SGSM2: variants seen among roughly 807,000 people sequenced by gnomAD.
SGSM2 encodes the protein small G protein signaling modulator 2.
A neutral mutation model predicts 126.6 loss-of-function variants in SGSM2; 89 were observed. The ratio of observed to expected loss-of-function variants is 0.70; its 90% CI spans 0.59 to 0.84. The LOEUF is 0.84. Among genes scored for constraint, SGSM2 ranks in the 40% least tolerant of loss-of-function variants. The pLI is 0.00. For missense variants in SGSM2, 1,404 were observed against 1,416.6 expected, an observed-to-expected ratio of 0.99 and a Z score of 0.14; for synonymous variants, 614 against 574.3, an observed-to-expected ratio of 1.07 and a Z score of -0.99.
At chr17:2,354,829 T>G (rs1370984892) in intron 2 of SGSM2, among the ~76,000 whole-genome samples, 15 of 151,242 alleles carry the variant, frequency 9.9e-5, no homozygotes, top group Non-Finnish European at 1.9e-4. Flanking sequence ...GTGAAATCAG[T>G]GTGTAAGGGT....
At position 2,377,025 on chromosome 17, in the gene SGSM2, G is replaced by A. The variant is rs1364494579; in HGVS notation, c.2759G>A (p.Gly920Asp). 1 of 1,613,724 alleles carries A rather than the reference G, an allele frequency of 6.2e-7. No individual in the cohort carries two copies. Among genetic ancestry groups the A allele is most frequent in the East Asian group, 2.2e-5 (1 of 44,900 alleles). ...ATGAGCCAGAACTTCCCCAACGGGGGTGCCATGGACACCCACTTTGCCAAC... is the reference window on the plus strand; with the variant it reads ...ATGAGCCAGAACTTCCCCAACGGGGATGCCATGGACACCCACTTTGCCAAC... The part of the protein sequence containing the change: ...KRMSQNFPNG[G>D]AMDTHFANMR... The change falls in exon 21 of 24, where the codon GGT (glycine) becomes GAT (aspartate). Residue 920 changes from glycine to aspartate, a missense_variant. Coordinates refer to ENST00000268989, the MANE Select transcript of SGSM2 (RefSeq NM_014853.3).
Position 2,371,428 on chromosome 17 carries a change from C to T in SGSM2, c.1577+13C>T, listed in dbSNP as rs370346984. ...GCATCCCCGACCGGTGAGTGGGCAG[C>T]GCTCGGCCCCAGCTTCCCGTTAGCG... On this transcript the variant is annotated intron_variant, in intron 13 of 23. Transcript: ENST00000268989. 8.9e-6 allele frequency: 14 copies of T among 1,577,536 alleles called. No homozygotes were observed. Among genetic ancestry groups the T allele is most frequent in the Non-Finnish European group, 1.0e-5 (12 of 1,161,032 alleles).
At chr17:2,342,705 C>T (rs781025524) in intron 1 of SGSM2, among the ~76,000 whole-genome samples, 1 of 151,418 alleles carries the variant, frequency 6.6e-6, no homozygotes, top group Non-Finnish European at 1.5e-5. Context: ...TGACTGAGCA[C>T]AGTGGCTCAC....
chr17:2,359,702 C>T (rs1268041629), intron 2 of SGSM2, among the ~76,000 whole-genome samples: 1 of 152,160 alleles, frequency 6.6e-6, no homozygotes, highest in African/African-American at 2.4e-5. Context: ...CCCCAGTCCC[C>T]ACGGCCTGGC....
rs919608547 is a variant in SGSM2 at position 2,380,325 on chromosome 17, C to T, written c.*805C>T. ...TTTTGCCAGTGGATGATCTGGAATG[C>T]GACCGGAGCACTTGCTCTGAGGAAT... On this transcript the variant is annotated 3_prime_UTR_variant, in exon 24 of 24. Coordinates refer to ENST00000268989, the MANE Select transcript of SGSM2 (RefSeq NM_014853.3). The T allele has an allele frequency of 2.6e-6, 4 of 1,534,204 alleles. No homozygotes were observed. Among genetic ancestry groups the T allele is most frequent in the East Asian group, 2.4e-5 (1 of 40,922 alleles).
chr17:2,358,463 G>A lies in SGSM2; in HGVS notation c.134-3174G>A, dbSNP rs923127406. 3.9e-5 allele frequency among the ~76,000 whole-genome samples: 6 copies of A among 152,280 alleles called. No homozygotes were observed. The East Asian group carries it at 7.7e-4, about 20-fold the overall frequency. On this transcript the variant is annotated intron_variant, in intron 2 of 23. Transcript: ENST00000268989. ...AGTGGCTCAAGCCTGTAATGCCGGC[G>A]CTTTGGAAGGCTGAGGTGGAAGGAT... is the stretch of plus-strand genomic sequence containing the variant.
In SGSM2 at chr17:2,379,935, G is replaced by T; in HGVS notation, c.*415G>T. ...GGCAGAGGGCGAGAGGCTCTGTGCT[G>T]TGTCCCTTCTGAGGGTCCCTTTGCA... On this transcript the variant is annotated 3_prime_UTR_variant, in exon 24 of 24. Transcript: ENST00000268989. 1 of 1,326,502 alleles carries T rather than the reference G, an allele frequency of 7.5e-7. No homozygotes were observed. The highest frequency in any genetic ancestry group is 9.7e-7 in the Non-Finnish European group (1 of 1,036,088). The allele number at this position is 1,326,502 out of a possible 1,614,324, so 82.2% of individuals were successfully genotyped here. A position where few individuals can be genotyped will look rare whatever the true frequency, so the allele number is the denominator to read the frequency against.
At position 2,371,329 on chromosome 17, in the gene SGSM2, G is replaced by A. The variant is rs199943746; in HGVS notation, c.1491G>A (p.Leu497=). ...TGCCAGCCTGGCACCTGGAGCCCCT[G>A]TGCAGTCAGGGCTCCTCCTGCCTCT... ...PSLPAWHLEP[L]CSQGSSCLSC... The change falls in exon 13 of 24, where the codon CTG becomes CTA. Residue 497 remains leucine (L), a synonymous_variant. Transcript: ENST00000268989. 4 of 1,612,464 alleles carry A rather than the reference G, an allele frequency of 2.5e-6. No homozygotes were observed. The Admixed American group carries it at 6.7e-5, about 27-fold the overall frequency.
At chr17:2,360,490 T>G (rs999730728) in intron 2 of SGSM2, among the ~76,000 whole-genome samples, 4 of 152,354 alleles carry the variant, frequency 2.6e-5, no homozygotes, top group African/African-American at 7.2e-5. Context: ...TCTTAGAGGC[T>G]AGCTGTAGAA....
rs1348398690 is a variant in SGSM2, at chr17:2,364,846, T to C, written c.1001-51T>C. On this transcript the variant is annotated intron_variant, in intron 9 of 23. Coordinates refer to ENST00000268989, the MANE Select transcript of SGSM2 (RefSeq NM_014853.3). ...AGCCTGGGGGCACTGGCCAGCAGGG[T>C]GTGATAGCCGACGAGAGGGCCTCAG... The C allele has an allele frequency of 2.5e-6, 4 of 1,593,844 alleles. No individual in the cohort carries two copies. In the East Asian group the frequency reaches 9.0e-5, roughly 36 times the overall value.
At chr17:2,375,975 G>C in intron 18 of SGSM2, 100 bp downstream of exon 18, 1 of 1,505,412 alleles carries the variant, frequency 6.6e-7, no homozygotes, top group South Asian at 1.3e-5. Flanking sequence ...GGGGCGCCCT[G>C]ACTGCCCTGG....
At position 2,361,733 on chromosome 17, in the gene SGSM2, A is replaced by G; in HGVS notation, c.230A>G (p.Lys77Arg). ...KMAALFTKVG[K>R]TCPVAGEICH... Reference sequence around the variant, plus strand: ...GCAGCCCTGTTCACCAAGGTGGGGAAGACGTGCCCAGTGGCGGGGGAGATT... The same window carrying G: ...GCAGCCCTGTTCACCAAGGTGGGGAGGACGTGCCCAGTGGCGGGGGAGATT... Residue 77 changes from lysine to arginine, a missense_variant, in exon 3 of 24, where the codon AAG becomes AGG. Transcript: ENST00000268989. The G allele has an allele frequency of 6.2e-7, 1 of 1,613,900 alleles. No individual in the cohort carries two copies. The highest frequency in any genetic ancestry group is 1.1e-5 in the South Asian group (1 of 91,088).
Position 2,363,691 on chromosome 17 carries a change from C to T in SGSM2, c.807+92C>T. The T allele has an allele frequency of 2.0e-6, 3 of 1,526,658 alleles. No individual in the cohort carries two copies. Among genetic ancestry groups the T allele is most frequent in the South Asian group, 2.5e-5 (2 of 81,240 alleles). The allele number at this position is 1,526,658 out of a possible 1,614,324, so 94.6% of individuals were successfully genotyped here. On this transcript the variant is annotated intron_variant, in intron 7 of 23. Transcript: ENST00000268989. This position sits in a 1 kb window ranked among gnomAD's most constrained non-coding sequence, Gnocchi z 4.2. Reference sequence around the variant, plus strand: ...CCATGGCTATTCCTTTCCTGAGGAGCTTGACCAGAGACGGGGGGGAGAATG... The same window carrying T: ...CCATGGCTATTCCTTTCCTGAGGAGTTTGACCAGAGACGGGGGGGAGAATG...
Position 2,371,364 on chromosome 17 carries a change from C to T in SGSM2, c.1526C>T (p.Ser509Phe), listed in dbSNP as rs779388342. The T allele has an allele frequency of 5.6e-6, 9 of 1,612,094 alleles. 1 individual carries two copies. In the South Asian group the frequency reaches 9.9e-5, roughly 18 times the overall value. ...SQGSSCLSCSSSSSPHATPSH... is the reference protein window; with the variant it reads ...SQGSSCLSCSFSSSPHATPSH... ...GGCTCCTCCTGCCTCTCCTGCTCCTCCAGCAGCTCCCCACATGCAACCCCC... is the reference window on the plus strand; with the variant it reads ...GGCTCCTCCTGCCTCTCCTGCTCCTTCAGCAGCTCCCCACATGCAACCCCC... Residue 509 changes from serine (S) to phenylalanine (F), a missense_variant, in exon 13 of 24, where the codon TCC (serine) becomes TTC (phenylalanine). Coordinates refer to ENST00000268989, the MANE Select transcript of SGSM2 (RefSeq NM_014853.3).
intron 12 of SGSM2, among the ~76,000 whole-genome samples, chr17:2,371,020 AC>A (rs1351790458): frequency 6.6e-6 from 1 of 150,608 alleles, no homozygotes; most frequent in East Asian, 2.0e-4. Flanking sequence ...CAAGCATTTT[AC>A]CACATGCAGA....
chr17:2,380,463 G>C lies in SGSM2; in HGVS notation c.*943G>C. On this transcript the variant is annotated 3_prime_UTR_variant, in exon 24 of 24. Coordinates refer to ENST00000268989, the MANE Select transcript of SGSM2 (RefSeq NM_014853.3). The stretch of plus-strand genomic sequence containing the variant: ...AGACATCTGCCATGTCCCTGAGACT[G>C]CGGGAGGCAGGGGATGCATGGGTGT... 1.4e-6 allele frequency: 1 copy of C among 711,258 alleles called. No homozygotes were observed. Among genetic ancestry groups the C allele is most frequent in the Non-Finnish European group, 2.4e-6 (1 of 415,574 alleles). 44.1% of individuals were successfully genotyped at this position (711,258 alleles called of 1,614,324 possible). A position where few individuals can be genotyped will look rare whatever the true frequency, so the allele number is the denominator to read the frequency against.
chr17:2,376,034 G>C, intron 18 of SGSM2, 103 bp from the exon 19 acceptor site: 1 of 1,573,072 alleles, frequency 6.4e-7, no homozygotes. Context: ...ACTCGCTCTG[G>C]TCTCTGGGTT....
intron 22 of SGSM2, among the ~76,000 whole-genome samples, chr17:2,378,453 G>GT (rs1440416239): frequency 6.6e-6 from 1 of 151,512 alleles, no homozygotes; most frequent in African/African-American, 2.4e-5. Context: ...GCGGGTGCCT[G>GT]TAGTGGAGGC....
intron 19 of SGSM2, 122 bp from the exon 20 acceptor site, chr17:2,376,611 G>A: frequency 9.4e-7 from 1 of 1,064,408 alleles, no homozygotes; most frequent in Non-Finnish European, 1.4e-6. Context: ...CACAGTACAT[G>A]CCTTAGGGTC....
Sources: allele counts gnomAD v4.1 joint callset (sites outside exome capture counted in the v4.1 genomes callset), GRCh38; gene constraint gnomAD v4.1.1; non-coding constraint Gnocchi (gnomAD v3.1); transcripts MANE v1.5; gene names NCBI Gene and HGNC (gene_info 2026-07-23, HGNC 2026-07-21).